Variants in MYO10 observed in about 807,000 individuals in gnomAD.
The protein encoded by MYO10 is unconventional myosin-X.
In MYO10, 133 loss-of-function variants were observed where a neutral mutation model predicts 257.3. The ratio of observed to expected loss-of-function variants is 0.52; its 90% CI spans 0.45 to 0.60. MYO10 has a LOEUF of 0.60. Among genes scored for constraint, MYO10 ranks in the 20% least tolerant of loss-of-function variants. The pLI is 0.00. For missense variants in MYO10, 2,399 were observed against 2,635.7 expected, an observed-to-expected ratio of 0.91 and a Z score of 1.97; for synonymous variants, 1,104 against 1,028.6, an observed-to-expected ratio of 1.07 and a Z score of -1.40.
chr5:16,779,864 A>G (rs1741344453), intron 8 of MYO10, among the ~76,000 whole-genome samples: 1 of 152,202 alleles, frequency 6.6e-6, no homozygotes, highest in Non-Finnish European at 1.5e-5. Context: ...TGAAAGAACA[A>G]CTGATGAGGA....
chr5:16,932,170 CTGTATT>C (rs1746310934), intron 1 of MYO10, among the ~76,000 whole-genome samples: 1 of 152,200 alleles, frequency 6.6e-6, no homozygotes, highest in African/African-American at 2.4e-5. Flanking sequence ...TACCTGCTTT[CTGTATT>C]TGTATTTGTG....
intron 1 of MYO10, among the ~76,000 whole-genome samples, chr5:16,931,636 A>G (rs1375442386): frequency 3.6e-5 from 2 of 55,794 alleles, no homozygotes; most frequent in Non-Finnish European, 4.1e-5. Flanking sequence ...AGCAGGGGGA[A>G]AAAAAAAATG....
intron 4 of MYO10, among the ~76,000 whole-genome samples, chr5:16,785,006 C>T (rs75063649): frequency 0.22 from 33,156 of 151,972 alleles, 3,966 homozygotes; most frequent in Non-Finnish European, 0.26. Context: ...GAGGTTTGCG[C>T]GCACACACAC....
chr5:16,760,177 C>T (rs1351265209), intron 17 of MYO10, among the ~76,000 whole-genome samples: 1 of 151,518 alleles, frequency 6.6e-6, no homozygotes, highest in Non-Finnish European at 1.5e-5. Context: ...TTCCGCCGGG[C>T]ATGGTGGCTC....
chr5:16,911,739 C>T (rs1398001645), intron 1 of MYO10, among the ~76,000 whole-genome samples: 1 of 151,960 alleles, frequency 6.6e-6, no homozygotes. Context: ...CTTAGACCAA[C>T]AACAACAACA....
intron 1 of MYO10, among the ~76,000 whole-genome samples, chr5:16,896,038 C>T (rs1745209175): frequency 6.6e-6 from 1 of 152,156 alleles, no homozygotes; most frequent in Non-Finnish European, 1.5e-5. Context: ...CTCCTGGCCT[C>T]GCTTCTGCTC....
intron 1 of MYO10, among the ~76,000 whole-genome samples, chr5:16,921,017 C>G (rs371249772): frequency 4.6e-5 from 7 of 152,102 alleles, no homozygotes; most frequent in African/African-American, 1.7e-4. Context: ...ACTCGGCAGG[C>G]TGAGGCAGGA....
intron 1 of MYO10, among the ~76,000 whole-genome samples, chr5:16,910,995 A>T (rs1317105216): frequency 6.6e-6 from 1 of 152,192 alleles, no homozygotes; most frequent in Non-Finnish European, 1.5e-5. Flanking sequence ...AAATAGAAAA[A>T]TAAAAGCTTT....
chr5:16,704,705 A>G lies in MYO10; in HGVS notation c.2170-20T>C, dbSNP rs1738249738. ...AAAGACCTGCTCAGGACGGAGTCACATGTCAGAAGCAAAGAACATGGCCAG... is the reference window on the plus strand; with the variant it reads ...AAAGACCTGCTCAGGACGGAGTCACGTGTCAGAAGCAAAGAACATGGCCAG... On this transcript the variant is annotated intron_variant, in intron 21 of 40. Coordinates refer to ENST00000513610, the MANE Select transcript of MYO10 (RefSeq NM_012334.3). 6.3e-7 allele frequency: 1 copy of G among 1,596,006 alleles called. No homozygotes were observed.
chr5:16,725,241 C>A (rs1739314876), intron 19 of MYO10, among the ~76,000 whole-genome samples: 1 of 151,944 alleles, frequency 6.6e-6, no homozygotes, highest in Non-Finnish European at 1.5e-5. Flanking sequence ...CATGCATCAC[C>A]ATGCCTAGCT....
intron 2 of MYO10, among the ~76,000 whole-genome samples, chr5:16,818,389 TGTGTG>T: frequency 1.1e-5 from 1 of 93,230 alleles, no homozygotes; most frequent in South Asian, 3.9e-4. Context: ...TGCGTGTGTG[TGTGTG>T]TGTGTGTGTG....
At chr5:16,833,580 T>G (rs1190192666) in intron 2 of MYO10, among the ~76,000 whole-genome samples, 1 of 152,184 alleles carries the variant, frequency 6.6e-6, no homozygotes, top group Non-Finnish European at 1.5e-5. Context: ...TTTTCAGAGA[T>G]AAGATTTTGG....
intron 1 of MYO10, among the ~76,000 whole-genome samples, chr5:16,910,979 C>T (rs1364335646): frequency 6.6e-6 from 1 of 152,006 alleles, no homozygotes; most frequent in Non-Finnish European, 1.5e-5. Context: ...ATTAAGTAAA[C>T]GTTTAAAATA....
chr5:16,895,753 AACACACACACACACACAC>A lies in MYO10; in HGVS notation c.22-18064_22-18047del, dbSNP rs57628919. Among the ~76,000 whole-genome samples, 237 of 131,726 alleles carry A rather than the reference AACACACACACACACACAC, an allele frequency of 1.8e-3. 3 individuals carry two copies. Among genetic ancestry groups the A allele is most frequent in the Non-Finnish European group, 1.0e-3 (64 of 63,648 alleles). 86.4% of individuals were successfully genotyped at this position (131,726 alleles called of 152,430 possible). A position where few individuals can be genotyped will look rare whatever the true frequency, so the allele number is the denominator to read the frequency against. ...TAAGCCGCCCCCTCCCCAACACCAC[AACACACACACACACACAC>A]ACACACACACACACACACACACACA... On this transcript the variant is annotated intron_variant, in intron 1 of 40. Coordinates refer to ENST00000513610, the MANE Select transcript of MYO10 (RefSeq NM_012334.3).
chr5:16,698,851 C>G (rs1737891823), intron 26 of MYO10, among the ~76,000 whole-genome samples: 1 of 143,896 alleles, frequency 6.9e-6, no homozygotes, highest in Admixed American at 6.7e-5. Flanking sequence ...TCTCGATCTC[C>G]TGACCTCATG....
chr5:16,895,897 A>G (rs1443892254), intron 1 of MYO10, among the ~76,000 whole-genome samples: 1 of 152,088 alleles, frequency 6.6e-6, no homozygotes, highest in Non-Finnish European at 1.5e-5. Flanking sequence ...CCTTAATGCA[A>G]GGGGGGCCCT....
chr5:16,868,599 C>T (rs147817539), intron 2 of MYO10, among the ~76,000 whole-genome samples: 3,030 of 150,620 alleles, frequency 0.02, 63 homozygotes, highest in African/African-American at 0.055. Context: ...AGCAAGACTC[C>T]GTCTCAAAAA....
At chr5:16,784,913 G>C (rs1242877205) in intron 4 of MYO10, among the ~76,000 whole-genome samples, 2 of 152,172 alleles carry the variant, frequency 1.3e-5, no homozygotes, top group African/African-American at 4.8e-5. Flanking sequence ...TGCTCTGCTA[G>C]CGACAGGCCT....
Position 16,807,649 on chromosome 5 carries a change from G to A in MYO10, c.279+10360C>T, listed in dbSNP as rs185590228. ...TGTTCTGGCATCTAGAATGTCCTGC[G>A]TTGGATATTAAATAACAATGCATCA... On this transcript the variant is annotated intron_variant, in intron 3 of 40. Transcript: ENST00000513610. Among the ~76,000 whole-genome samples the A allele has an allele frequency of 4.5e-3, 689 of 152,040 alleles. 14 individuals carry two copies. Among genetic ancestry groups the A allele is most frequent in the Admixed American group, 0.041 (626 of 15,248 alleles).
Sources: gnomAD v4.1 joint callset for allele counts (sites outside exome capture counted in the v4.1 genomes callset) on GRCh38, gnomAD v4.1.1 for gene constraint, MANE v1.5 for transcripts, NCBI Gene and HGNC (gene_info 2026-07-23, HGNC 2026-07-21) for gene names.